Variants in RAPGEF2 observed in about 807,000 individuals in gnomAD.
RAPGEF2 encodes the protein PDZ domain containing guanine nucleotide exchange factor (GEF) 1.
A neutral mutation model predicts 186.7 loss-of-function variants in RAPGEF2; 54 were observed. The observed-to-expected ratio is 0.29, with a 90% CI of 0.23 to 0.36. The LOEUF is 0.36. RAPGEF2 is among the 10% of genes least tolerant of loss of function. RAPGEF2 has a pLI of 1.00. For synonymous variants in RAPGEF2, 712 were observed against 705.9 expected (o/e 1.01, Z -0.14); for missense variants, 1,532 against 2,045.0 (o/e 0.75, Z 4.84).
intron 1 of RAPGEF2, among the ~76,000 whole-genome samples, chr4:159,148,287 T>A (rs1405077251): frequency 6.6e-6 from 1 of 152,182 alleles, no homozygotes. Context: ...GTGCCAGTCT[T>A]TATCTTTAAA....
chr4:159,195,898 T>TTC, intron 3 of RAPGEF2, among the ~76,000 whole-genome samples: 1 of 115,182 alleles, frequency 8.7e-6, no homozygotes, highest in Non-Finnish European at 2.0e-5. Flanking sequence ...TTTTTTTTTT[T>TTC]TTTTTTCCCC....
At chr4:159,213,340 AAAACAACTAGTTT>A (rs1380847522) in intron 4 of RAPGEF2, among the ~76,000 whole-genome samples, 1 of 152,252 alleles carries the variant, frequency 6.6e-6, no homozygotes, top group African/African-American at 2.4e-5. Context: ...TCCAGTTTAT[AAAACAACTAGTTT>A]ACAGATTATT....
In RAPGEF2 at chr4:159,193,157, T is replaced by C. The variant is rs957046131; in HGVS notation, c.141-43T>C. ...AAGGGTTTAAAATACCAGTCTGTTTTTTAGTGACAGATGTTGAACTCATGT... is the reference window on the plus strand; with the variant it reads ...AAGGGTTTAAAATACCAGTCTGTTTCTTAGTGACAGATGTTGAACTCATGT... On this transcript the variant is annotated intron_variant, in intron 2 of 29. Transcript: ENST00000691494. 5.1e-5 allele frequency: 66 copies of C among 1,287,376 alleles called. 1 individual carries two copies. The African/African-American group carries it at 9.7e-4, about 19-fold the overall frequency. The allele number at this position is 1,287,376 out of a possible 1,614,324, so 79.7% of individuals were successfully genotyped here.
chr4:159,253,442 G>A (rs1289507082), intron 7 of RAPGEF2, among the ~76,000 whole-genome samples: 1 of 152,170 alleles, frequency 6.6e-6, no homozygotes, highest in African/African-American at 2.4e-5. Context: ...TACCACCACA[G>A]ATCTCATAAA....
At chr4:159,210,236 A>T (rs1455539351) in intron 3 of RAPGEF2, among the ~76,000 whole-genome samples, 1 of 152,232 alleles carries the variant, frequency 6.6e-6, no homozygotes, top group Admixed American at 6.5e-5. Flanking sequence ...AAGTAAAAAA[A>T]CTTAGAATGG....
Position 159,343,388 on chromosome 4 carries a change from C to G in RAPGEF2, c.3238C>G (p.Leu1080Val), listed in dbSNP as rs1367576968. 1 of 1,614,026 alleles carries G rather than the reference C, an allele frequency of 6.2e-7. No homozygotes were observed. The highest frequency in any genetic ancestry group is 8.5e-7 in the Non-Finnish European group (1 of 1,179,938). The change falls in exon 22 of 30, where the codon CTC (leucine) becomes GTC (valine). Residue 1080 changes from leucine (L) to valine (V), a missense_variant. Transcript: ENST00000691494. ...GGCTTCAGTGAACATGGACCCTGCC[C>G]TCATGTTCAGGACTCGGTGAGTATG... ...RMASVNMDPALMFRTRKKKWR... is the reference protein window; with the variant it reads ...RMASVNMDPAVMFRTRKKKWR...
At chr4:159,178,839 G>A (rs774800458) in intron 1 of RAPGEF2, among the ~76,000 whole-genome samples, 15 of 152,036 alleles carry the variant, frequency 9.9e-5, no homozygotes, top group East Asian at 3.9e-4. Context: ...GATTACAGGC[G>A]TGAGCCACCA....
intron 28 of RAPGEF2, among the ~76,000 whole-genome samples, chr4:159,355,491 C>A (rs1229387798): frequency 6.6e-6 from 1 of 152,140 alleles, no homozygotes; most frequent in Non-Finnish European, 1.5e-5. Context: ...GTGCTGTGTA[C>A]TTAGGTTCTT....
intron 1 of RAPGEF2, among the ~76,000 whole-genome samples, chr4:159,148,857 A>T (rs531072736): frequency 6.6e-6 from 1 of 152,138 alleles, no homozygotes; most frequent in Non-Finnish European, 1.5e-5. Context: ...TTTGTAGTCT[A>T]TTTTCTTAAA....
At chr4:159,299,555 A>G (rs1055953547) in intron 7 of RAPGEF2, among the ~76,000 whole-genome samples, 52 of 152,152 alleles carry the variant, frequency 3.4e-4, no homozygotes, top group African/African-American at 1.3e-3. Context: ...GTAATTCAGG[A>G]CGGAAAGGAA....
intron 1 of RAPGEF2, among the ~76,000 whole-genome samples, chr4:159,126,531 T>TTA (rs367710426): frequency 4.4e-4 from 62 of 142,350 alleles, no homozygotes; most frequent in East Asian, 3.4e-3. Context: ...GTCCAGGTTT[T>TTA]AAAAAAAAAA....
chr4:159,163,146 G>T (rs1224166330), intron 1 of RAPGEF2, among the ~76,000 whole-genome samples: 2 of 152,164 alleles, frequency 1.3e-5, no homozygotes, highest in South Asian at 4.1e-4. Flanking sequence ...CTTACCAAAA[G>T]ATGGGCATGC....
intron 1 of RAPGEF2, among the ~76,000 whole-genome samples, chr4:159,173,902 A>T (rs1055005989): frequency 2.6e-5 from 4 of 152,254 alleles, no homozygotes; most frequent in Non-Finnish European, 5.9e-5. Flanking sequence ...CTGAGAGTCT[A>T]TTAAAATAAG....
intron 1 of RAPGEF2, among the ~76,000 whole-genome samples, chr4:159,166,965 T>A (rs1194323690): frequency 2.0e-5 from 3 of 152,158 alleles, no homozygotes; most frequent in South Asian, 2.1e-4. Flanking sequence ...AAGGGACATA[T>A]TACAGCAGGG....
intron 7 of RAPGEF2, among the ~76,000 whole-genome samples, chr4:159,279,078 A>C (rs1307177575): frequency 6.6e-6 from 1 of 152,166 alleles, no homozygotes; most frequent in Non-Finnish European, 1.5e-5. Flanking sequence ...TAGAGTGAAA[A>C]AACAACAGTA....
chr4:159,287,725 AT>A (rs1760689616), intron 7 of RAPGEF2, among the ~76,000 whole-genome samples: 1 of 152,182 alleles, frequency 6.6e-6, no homozygotes, highest in Non-Finnish European at 1.5e-5. Flanking sequence ...TGTCTTTAAA[AT>A]TAATAATAGT....
intron 4 of RAPGEF2, among the ~76,000 whole-genome samples, chr4:159,231,096 A>G (rs1049558808): frequency 1.3e-5 from 2 of 152,156 alleles, no homozygotes; most frequent in African/African-American, 4.8e-5. Flanking sequence ...TTTTACTGTA[A>G]CTTTTCTATG....
intron 4 of RAPGEF2, among the ~76,000 whole-genome samples, chr4:159,236,529 T>A (rs1015076465): frequency 3.3e-5 from 5 of 152,228 alleles, no homozygotes; most frequent in African/African-American, 1.2e-4. Context: ...CTAGCATATG[T>A]TTTTGTATCA....
At chr4:159,199,076 A>G (rs1304704152) in intron 3 of RAPGEF2, among the ~76,000 whole-genome samples, 1 of 151,552 alleles carries the variant, frequency 6.6e-6, no homozygotes, top group Non-Finnish European at 1.5e-5. Flanking sequence ...AAAAAAAAAA[A>G]AAGTGAAACC....
Sources: gnomAD v4.1 joint callset for allele counts (sites outside exome capture counted in the v4.1 genomes callset) on GRCh38, gnomAD v4.1.1 for gene constraint, MANE v1.5 for transcripts, NCBI Gene and HGNC (gene_info 2026-07-23, HGNC 2026-07-21) for gene names.